The following STK32B variants were observed in gnomAD, a reference collection of about 807,000 sequenced individuals.
STK32B encodes the protein serine/threonine-protein kinase 32B.
STK32B carries 43 observed loss-of-function variants against 52.6 expected under a neutral mutation model. That is an observed-to-expected ratio of 0.82 (90% confidence interval 0.64 to 1.05). The LOEUF (loss-of-function observed/expected upper bound fraction) is 1.05. Among genes scored for constraint, STK32B ranks in the 50% least tolerant of loss-of-function variants. The probability of loss-of-function intolerance (pLI) is 0.00; values close to 1 mark genes in which losing one functional copy is unlikely to be tolerated. For missense variants in STK32B, 621 were observed against 534.6 expected, an observed-to-expected ratio of 1.16 and a Z score of -1.59; for synonymous variants, 238 against 204.3, an observed-to-expected ratio of 1.17 and a Z score of -1.41.
At chr4:5,236,209 C>T (rs1724625781) in intron 3 of STK32B, among the ~76,000 whole-genome samples, 1 of 152,200 alleles carries the variant, frequency 6.6e-6, no homozygotes, top group African/African-American at 2.4e-5. Flanking sequence ...CAGTCACTCT[C>T]ACCATGTTCC....
intron 3 of STK32B, among the ~76,000 whole-genome samples, chr4:5,265,247 C>T (rs551484739): frequency 6.6e-6 from 1 of 152,298 alleles, no homozygotes; most frequent in African/African-American, 2.4e-5. Flanking sequence ...AATTACACCA[C>T]CTGACAGGTG....
Position 5,378,553 on chromosome 4 carries a change from T to C in STK32B, c.435-19654T>C, listed in dbSNP as rs1735725850. 6.6e-6 allele frequency among the ~76,000 whole-genome samples: 1 copy of C among 152,194 alleles called. No homozygotes were observed. The highest frequency in any genetic ancestry group is 2.4e-5 in the African/African-American group (1 of 41,448). On this transcript the variant is annotated intron_variant, in intron 4 of 11. Transcript: ENST00000282908. The surrounding 1 kb of genome is among the most constrained non-coding windows in gnomAD (Gnocchi z 4.4). ...TCTTCTTTTTTTGCATTCTATAGTATTGATAGGGTTTGTTATGCCCTTTGT... is the reference window on the plus strand; with the variant it reads ...TCTTCTTTTTTTGCATTCTATAGTACTGATAGGGTTTGTTATGCCCTTTGT...
At chr4:5,194,144 T>G (rs1721456032) in intron 3 of STK32B, among the ~76,000 whole-genome samples, 1 of 152,182 alleles carries the variant, frequency 6.6e-6, no homozygotes, top group South Asian at 2.1e-4. Context: ...TCTCTGATGT[T>G]AATGTGTTTT....
chr4:5,155,824 C>G (rs551566534), intron 2 of STK32B, among the ~76,000 whole-genome samples: 3 of 152,124 alleles, frequency 2.0e-5, no homozygotes, highest in Non-Finnish European at 4.4e-5. Flanking sequence ...TCAATTAAAC[C>G]TCTTTTCTTT....
rs1047807772 is a variant in STK32B at position 5,369,015 on chromosome 4, G to A, written c.435-29192G>A. Among the ~76,000 whole-genome samples, 6 of 152,054 alleles carry A rather than the reference G, an allele frequency of 3.9e-5. No individual in the cohort carries two copies. The East Asian group carries it at 5.8e-4, about 15-fold the overall frequency. On this transcript the variant is annotated intron_variant, in intron 4 of 11. Transcript: ENST00000282908. Reference sequence around the variant, plus strand: ...ATGTGGACACAGAGCTGTCCACATCGCACCCCACAATCCCTGCCTCCCTTG... The same window carrying A: ...ATGTGGACACAGAGCTGTCCACATCACACCCCACAATCCCTGCCTCCCTTG...
At chr4:5,485,551 AGTT>A in intron 11 of STK32B, among the ~76,000 whole-genome samples, 1 of 151,748 alleles carries the variant, frequency 6.6e-6, no homozygotes. Flanking sequence ...TTTAGCTCGG[AGTT>A]GTTTGATCTT....
chr4:5,254,468 A>G lies in STK32B; in HGVS notation c.261-76752A>G, dbSNP rs572558915. On this transcript the variant is annotated intron_variant, in intron 3 of 11. Coordinates refer to ENST00000282908, the MANE Select transcript of STK32B (RefSeq NM_018401.3). ...CTAATTTTTGTATATAAATACTTAC[A>G]TACATACATTGTTGATTTTCAGCAT... Among the ~76,000 whole-genome samples the G allele has an allele frequency of 2.0e-5, 3 of 152,246 alleles. 1 individual carries two copies. Among genetic ancestry groups the G allele is most frequent in the African/African-American group, 4.8e-5 (2 of 41,538 alleles).
At chr4:5,096,110 A>T (rs1017418194) in intron 1 of STK32B, among the ~76,000 whole-genome samples, 5 of 152,248 alleles carry the variant, frequency 3.3e-5, no homozygotes, top group African/African-American at 1.2e-4. Context: ...ATACTAAAAA[A>T]ATTGTTGAAA....
chr4:5,128,864 G>A (rs1389654992), intron 1 of STK32B, among the ~76,000 whole-genome samples: 2 of 152,214 alleles, frequency 1.3e-5, no homozygotes, highest in Non-Finnish European at 1.5e-5. Context: ...TCTAATCAGA[G>A]CCATGAATGT....
At chr4:5,043,347 T>C in the STK32B span, among the ~76,000 whole-genome samples, 1 of 152,360 alleles carries the variant, frequency 6.6e-6, no homozygotes, top group Non-Finnish European at 1.5e-5. Flanking sequence ...AACTGGACTC[T>C]CTATTTGGAA....
chr4:5,332,170 A>T (rs1732297861), intron 4 of STK32B, among the ~76,000 whole-genome samples: 1 of 152,184 alleles, frequency 6.6e-6, no homozygotes, highest in East Asian at 1.9e-4. Flanking sequence ...ATACGTCTAA[A>T]TTTTTCCCTT....
chr4:5,269,874 A>G (rs909079069), intron 3 of STK32B, among the ~76,000 whole-genome samples: 2 of 150,086 alleles, frequency 1.3e-5, no homozygotes, highest in Non-Finnish European at 2.9e-5. Flanking sequence ...AATTCTTTAC[A>G]GTATTTTAGA....
At chr4:5,381,745 C>T (rs1018598258) in intron 4 of STK32B, among the ~76,000 whole-genome samples, 1 of 152,060 alleles carries the variant, frequency 6.6e-6, no homozygotes, top group Non-Finnish European at 1.5e-5. Context: ...TCCTTGGGGC[C>T]CTGTAAAGAT....
intron 3 of STK32B, among the ~76,000 whole-genome samples, chr4:5,325,067 T>C (rs895609718): frequency 6.6e-6 from 1 of 152,326 alleles, no homozygotes; most frequent in Non-Finnish European, 1.5e-5. Context: ...TGAAGAAAGT[T>C]CATCCGTGAG....
intron 4 of STK32B, among the ~76,000 whole-genome samples, chr4:5,377,030 C>G (rs75073419): frequency 6.6e-6 from 1 of 152,084 alleles, no homozygotes; most frequent in African/African-American, 2.4e-5. Context: ...ACTGCTACAC[C>G]CCTGCCCCCA....
At chr4:5,046,819 A>G (rs1261647112), upstream of STK32B, among the ~76,000 whole-genome samples, 2 of 152,250 alleles carry the variant, frequency 1.3e-5, no homozygotes, top group African/African-American at 2.4e-5. Flanking sequence ...AAGGGTGATT[A>G]TTAAAAAGTC....
At chr4:5,364,298 A>G (rs192054149) in intron 4 of STK32B, among the ~76,000 whole-genome samples, 62 of 152,362 alleles carry the variant, frequency 4.1e-4, no homozygotes, top group African/African-American at 1.4e-3. Context: ...TATTTTAGAA[A>G]TAAAGTTCAG....
At chr4:5,358,327 G>A (rs954948503) in intron 4 of STK32B, among the ~76,000 whole-genome samples, 5 of 152,204 alleles carry the variant, frequency 3.3e-5, no homozygotes, top group Non-Finnish European at 5.9e-5. Flanking sequence ...CAATAAATTA[G>A]AAACTGTTTT....
intron 3 of STK32B, among the ~76,000 whole-genome samples, chr4:5,189,982 C>T (rs947276412): frequency 7.2e-5 from 11 of 152,112 alleles, no homozygotes; most frequent in Non-Finnish European, 1.3e-4. Flanking sequence ...TCGAATGAAC[C>T]AATTGAAAGA....
Sources: allele counts gnomAD v4.1 joint callset (sites outside exome capture counted in the v4.1 genomes callset), GRCh38; gene constraint gnomAD v4.1.1; non-coding constraint Gnocchi (gnomAD v3.1); transcripts MANE v1.5; gene names NCBI Gene and HGNC (gene_info 2026-07-23, HGNC 2026-07-21).